Variants in BTBD9 observed in about 807,000 individuals in gnomAD.
BTBD9 encodes BTB domain containing 9, also known as BTB/POZ domain-containing protein 9.
In BTBD9, 49 loss-of-function variants were observed where a neutral mutation model predicts 64.3. The observed-to-expected ratio is 0.76, with a 90% CI of 0.61 to 0.97. BTBD9 has a LOEUF of 0.97. Among genes scored for constraint, BTBD9 ranks in the 50% least tolerant of loss-of-function variants. BTBD9 has a pLI of 0.00. For synonymous variants in BTBD9, 260 were observed against 274.7 expected, an observed-to-expected ratio of 0.95 and a Z score of 0.53; for missense variants, 598 against 762.1, an observed-to-expected ratio of 0.78 and a Z score of 2.53.
chr6:38,567,988 A>T (rs1006472971), intron 6 of BTBD9, among the ~76,000 whole-genome samples: 26 of 152,250 alleles, frequency 1.7e-4, no homozygotes, highest in African/African-American at 5.5e-4. Flanking sequence ...AAGAGATTCA[A>T]CAAGATACCT....
intron 9 of BTBD9, among the ~76,000 whole-genome samples, chr6:38,255,458 AG>A (rs1452970518): frequency 6.6e-6 from 1 of 152,234 alleles, no homozygotes; most frequent in Non-Finnish European, 1.5e-5. Context: ...AAAAATAAAA[AG>A]AGAAACGCAT....
At chr6:38,384,910 A>G (rs1408500882) in intron 6 of BTBD9, among the ~76,000 whole-genome samples, 1 of 151,972 alleles carries the variant, frequency 6.6e-6, no homozygotes, top group Non-Finnish European at 1.5e-5. Context: ...GTAGGAATAT[A>G]ATCAAGTTCA....
chr6:38,605,575 C>A (rs889722851), intron 1 of BTBD9, among the ~76,000 whole-genome samples: 2 of 152,124 alleles, frequency 1.3e-5, no homozygotes, highest in Admixed American at 1.3e-4. Context: ...TAATTAAATT[C>A]TCTCTCACAA....
chr6:38,263,383 T>C (rs996404102), intron 8 of BTBD9, among the ~76,000 whole-genome samples: 8 of 152,244 alleles, frequency 5.3e-5, no homozygotes, highest in Admixed American at 3.3e-4. Flanking sequence ...CAGAGGTTTT[T>C]TTGGTATGTC....
At chr6:38,297,871 C>G (rs538009944) in intron 7 of BTBD9, among the ~76,000 whole-genome samples, 1 of 147,444 alleles carries the variant, frequency 6.8e-6, no homozygotes, top group African/African-American at 2.5e-5. Context: ...GATGGAGTCT[C>G]GCTCTGTCGC....
intron 9 of BTBD9, among the ~76,000 whole-genome samples, chr6:38,217,694 TTTTTC>T (rs1763055864): frequency 1.3e-5 from 1 of 77,766 alleles, no homozygotes; most frequent in African/African-American, 4.7e-5. Flanking sequence ...ATTTTTTTCT[TTTTTC>T]TTTTTTTTTT....
intron 6 of BTBD9, among the ~76,000 whole-genome samples, chr6:38,504,713 AAC>A (rs1207036233): frequency 4.6e-5 from 7 of 152,258 alleles, no homozygotes; most frequent in Non-Finnish European, 7.3e-5. Flanking sequence ...TGTAAGGATG[AAC>A]ACAGAGACAG....
chr6:38,507,626 G>A (rs917422355), intron 6 of BTBD9, among the ~76,000 whole-genome samples: 2 of 151,978 alleles, frequency 1.3e-5, no homozygotes, highest in Non-Finnish European at 1.5e-5. Flanking sequence ...AAGTTCTCTT[G>A]CCTTAAATGA....
chr6:38,323,572 A>G (rs1053624769), intron 7 of BTBD9, among the ~76,000 whole-genome samples: 5 of 152,248 alleles, frequency 3.3e-5, no homozygotes, highest in African/African-American at 1.2e-4. Flanking sequence ...TTAGTAAAAC[A>G]AATAAATGAC....
In BTBD9 at chr6:38,617,304, C is replaced by T. The variant is rs115896868; in HGVS notation, c.-27-19183G>A. Among the ~76,000 whole-genome samples, 631 of 152,238 alleles carry T rather than the reference C, an allele frequency of 4.1e-3. 9 individuals carry two copies. Among genetic ancestry groups the T allele is most frequent in the African/African-American group, 0.014 (598 of 41,542 alleles). ...ATGAGCAGAACTCTCAAGGTTACATCACCCAAGCGAGACTTGCCCATCTAT... is the reference window on the plus strand; with the variant it reads ...ATGAGCAGAACTCTCAAGGTTACATTACCCAAGCGAGACTTGCCCATCTAT... On this transcript the variant is annotated intron_variant, in intron 1 of 10. Coordinates refer to ENST00000481247, the MANE Select transcript of BTBD9 (RefSeq NM_001099272.2).
rs745801297 is a variant in BTBD9 at position 38,171,116 on chromosome 6, C to G, written c.*3869G>C. 4 of 152,188 alleles carry G rather than the reference C, an allele frequency of 2.6e-5. No individual in the cohort carries two copies. The highest frequency in any genetic ancestry group is 4.4e-5 in the Non-Finnish European group (3 of 68,028). The allele number at this position is 152,188 out of a possible 1,614,324, so 9.4% of individuals were successfully genotyped here. A position where few individuals can be genotyped will look rare whatever the true frequency, so the allele number is the denominator to read the frequency against. On this transcript the variant is annotated 3_prime_UTR_variant, in exon 11 of 11. Coordinates refer to ENST00000481247, the MANE Select transcript of BTBD9 (RefSeq NM_001099272.2). Reference sequence around the variant, plus strand: ...AAGTGGCCTCAGTACACAGAACGCTCGCTTTTTATTGTAGATTATACCTTC... The same window carrying G: ...AAGTGGCCTCAGTACACAGAACGCTGGCTTTTTATTGTAGATTATACCTTC...
rs77793868 is a variant in BTBD9, at chr6:38,298,632, C to A, written c.1265-10171G>T. 6.5e-3 allele frequency among the ~76,000 whole-genome samples: 996 copies of A among 152,252 alleles called. 10 individuals are homozygous for A. The highest frequency in any genetic ancestry group is 0.02 in the African/African-American group (813 of 41,536). ...CTAACTGTATATTTGTACCCTTTAA[C>A]CAGTCTCCCTTTATCCCTTCACCCT... On this transcript the variant is annotated intron_variant, in intron 7 of 10. Coordinates refer to ENST00000481247, the MANE Select transcript of BTBD9 (RefSeq NM_001099272.2).
chr6:38,486,838 G>A (rs548578423), intron 6 of BTBD9, among the ~76,000 whole-genome samples: 1 of 152,326 alleles, frequency 6.6e-6, no homozygotes, highest in South Asian at 2.1e-4. Flanking sequence ...CCTTCAGTTG[G>A]TAAAAACAAA....
In BTBD9 at chr6:38,507,828, ATT is replaced by A. The variant is rs34808509; in HGVS notation, c.1154+69770_1154+69771del. On this transcript the variant is annotated intron_variant, in intron 6 of 10. Transcript: ENST00000481247. ...CTATCAATATGAAAATGTCTCCCAA[ATT>A]TTTTTTTTTTTTTTTTTTTTTGAGA... Among the ~76,000 whole-genome samples the A allele has an allele frequency of 4.1e-3, 518 of 125,332 alleles. 3 individuals carry two copies. The highest frequency in any genetic ancestry group is 0.014 in the African/African-American group (457 of 32,316). The allele number at this position is 125,332 out of a possible 152,430, so 82.2% of individuals were successfully genotyped here. A position where few individuals can be genotyped will look rare whatever the true frequency, so the allele number is the denominator to read the frequency against.
chr6:38,567,593 T>A (rs889223959), intron 6 of BTBD9, among the ~76,000 whole-genome samples: 2 of 152,150 alleles, frequency 1.3e-5, no homozygotes, highest in African/African-American at 4.8e-5. Flanking sequence ...GATTGAGCCC[T>A]CTATTTTCAT....
intron 6 of BTBD9, among the ~76,000 whole-genome samples, chr6:38,470,226 C>CAG (rs1415411873): frequency 6.6e-6 from 1 of 152,168 alleles, no homozygotes; most frequent in Non-Finnish European, 1.5e-5. Context: ...TCTACAAGAA[C>CAG]AGAAAAAATA....
At chr6:38,635,067 C>G (rs996141535) in intron 1 of BTBD9, among the ~76,000 whole-genome samples, 2 of 152,204 alleles carry the variant, frequency 1.3e-5, no homozygotes, top group Admixed American at 1.3e-4. Flanking sequence ...CCAGTCCACA[C>G]CTACTTAATC....
chr6:38,273,647 A>C (rs1765270051), intron 8 of BTBD9, among the ~76,000 whole-genome samples: 1 of 152,336 alleles, frequency 6.6e-6, no homozygotes, highest in African/African-American at 2.4e-5. Flanking sequence ...AGAGAATCAG[A>C]GTAAATATAG....
chr6:38,550,758 T>C (rs968988818), intron 6 of BTBD9, among the ~76,000 whole-genome samples: 8 of 152,204 alleles, frequency 5.3e-5, no homozygotes, highest in African/African-American at 1.9e-4. Flanking sequence ...TAAATTATTC[T>C]TGTTAGAATG....
Sources: allele counts gnomAD v4.1 joint callset (sites outside exome capture counted in the v4.1 genomes callset), GRCh38; gene constraint gnomAD v4.1.1; transcripts MANE v1.5; gene names NCBI Gene and HGNC (gene_info 2026-07-23, HGNC 2026-07-21).